LSAMP: variants seen among roughly 807,000 people sequenced by gnomAD.
LSAMP encodes the protein limbic system associated membrane protein.
LSAMP carries 7 observed loss-of-function variants against 38.6 expected under a neutral mutation model. The observed-to-expected ratio is 0.18, with a 90% confidence interval of 0.10 to 0.34. The LOEUF is 0.34. LSAMP is among the 10% of genes least tolerant of loss of function. LSAMP has a pLI of 1.00. For missense variants in LSAMP, 313 were observed against 420.0 expected (o/e 0.75, Z 2.23); for synonymous variants, 154 against 166.8 (o/e 0.92, Z 0.59).
At chr3:116,244,757 T>C (rs568441949) in intron 1 of LSAMP, among the ~76,000 whole-genome samples, 2 of 152,332 alleles carry the variant, frequency 1.3e-5, no homozygotes, top group South Asian at 2.1e-4. Flanking sequence ...TGCTGACACA[T>C]AGTAGGTGTT....
At chr3:116,386,071 AT>A (rs1478617371) in intron 1 of LSAMP, among the ~76,000 whole-genome samples, 2 of 152,120 alleles carry the variant, frequency 1.3e-5, no homozygotes, top group Non-Finnish European at 2.9e-5. Context: ...CATTATATAG[AT>A]GATGAAACTA....
intron 3 of LSAMP, among the ~76,000 whole-genome samples, chr3:115,942,862 A>G (rs933928813): frequency 2.0e-5 from 3 of 152,162 alleles, no homozygotes; most frequent in African/African-American, 7.2e-5. Flanking sequence ...AGAATCATGG[A>G]AGCATCCATG....
intron 1 of LSAMP, among the ~76,000 whole-genome samples, chr3:116,319,062 G>A (rs2107727296): frequency 6.6e-6 from 1 of 152,160 alleles, no homozygotes; most frequent in South Asian, 2.1e-4. Context: ...GGGGATTACT[G>A]GGAGAAGTAG....
intron 3 of LSAMP, among the ~76,000 whole-genome samples, chr3:116,009,742 C>G (rs1285586906): frequency 6.6e-6 from 1 of 152,012 alleles, no homozygotes; most frequent in African/African-American, 2.4e-5. Flanking sequence ...TTCTGTTTGA[C>G]TCAACTTATT....
intron 1 of LSAMP, among the ~76,000 whole-genome samples, chr3:116,351,550 C>T (rs1576153363): frequency 1.4e-5 from 2 of 139,862 alleles, no homozygotes; most frequent in East Asian, 2.0e-4. Flanking sequence ...AATTATATTC[C>T]TTGTCAACTC....
intron 6 of LSAMP, chr3:115,816,469 C>T (rs1446752519): frequency 9.7e-6 from 4 of 411,188 alleles, no homozygotes; most frequent in Non-Finnish European, 1.3e-5. Context: ...AAAAAGTTCA[C>T]AATTTGGAAA....
At chr3:116,241,176 T>TAA (rs201810354) in intron 1 of LSAMP, among the ~76,000 whole-genome samples, 2 of 138,442 alleles carry the variant, frequency 1.4e-5, no homozygotes, top group Non-Finnish European at 1.6e-5. Flanking sequence ...AAACTCCATT[T>TAA]AAAAAAAAAA....
intron 3 of LSAMP, among the ~76,000 whole-genome samples, chr3:115,963,524 C>A (rs1401648997): frequency 6.6e-6 from 1 of 152,150 alleles, no homozygotes; most frequent in Non-Finnish European, 1.5e-5. Context: ...TACCCATGTG[C>A]TTGAATGAGG....
intron 6 of LSAMP, chr3:115,841,571 T>A (rs1934996431): frequency 3.4e-6 from 1 of 295,708 alleles, no homozygotes; most frequent in East Asian, 6.2e-5. Flanking sequence ...GCATATTATT[T>A]CATTTAACTA....
intron 1 of LSAMP, among the ~76,000 whole-genome samples, chr3:116,163,820 GT>G (rs1458617016): frequency 6.6e-6 from 1 of 151,858 alleles, no homozygotes; most frequent in Non-Finnish European, 1.5e-5. Flanking sequence ...TCATTCTCAT[GT>G]TTTCTTAATA....
At chr3:116,016,707 G>C (rs1209863612) in intron 3 of LSAMP, among the ~76,000 whole-genome samples, 1 of 152,188 alleles carries the variant, frequency 6.6e-6, no homozygotes, top group African/African-American at 2.4e-5. Context: ...GTAAATGAAT[G>C]AGCATGGCTG....
At chr3:116,132,443 T>C (rs76050065) in intron 1 of LSAMP, among the ~76,000 whole-genome samples, 1 of 35,660 alleles carries the variant, frequency 2.8e-5, no homozygotes, top group Non-Finnish European at 9.1e-5. Flanking sequence ...GCTCCACCCC[T>C]GAGGGATTAT....
chr3:115,893,748 T>G (rs1936660549), intron 3 of LSAMP, among the ~76,000 whole-genome samples: 1 of 152,062 alleles, frequency 6.6e-6, no homozygotes, highest in African/African-American at 2.4e-5. Context: ...GATGGTAACA[T>G]TCTCTCGATT....
At chr3:115,940,476 AG>A (rs1344284915) in intron 3 of LSAMP, among the ~76,000 whole-genome samples, 44 of 152,302 alleles carry the variant, frequency 2.9e-4, no homozygotes, top group Non-Finnish European at 5.4e-4. Flanking sequence ...TCCTTTAGCT[AG>A]ACACAAAAGT....
At position 115,864,165 on chromosome 3, in the gene LSAMP, G is replaced by A. The variant is rs189020161; in HGVS notation, c.515-11548C>T. 5.9e-5 allele frequency among the ~76,000 whole-genome samples: 9 copies of A among 152,240 alleles called. 1 individual carries two copies. Among genetic ancestry groups the A allele is most frequent in the Admixed American group, 3.9e-4 (6 of 15,284 alleles). On this transcript the variant is annotated intron_variant, in intron 3 of 6. Coordinates refer to ENST00000490035, the MANE Select transcript of LSAMP (RefSeq NM_002338.5). ...AGAAGCACTTTGCCCATGATTGAGA[G>A]GTGTCTGGACTTAAGAGTGCTGACT...
At chr3:116,162,512 T>C (rs1253993049) in intron 1 of LSAMP, among the ~76,000 whole-genome samples, 1 of 152,140 alleles carries the variant, frequency 6.6e-6, no homozygotes, top group Non-Finnish European at 1.5e-5. Flanking sequence ...CCTATTAAAA[T>C]GTTTCATTAA....
intron 1 of LSAMP, among the ~76,000 whole-genome samples, chr3:116,343,423 G>T (rs2048023408): frequency 6.6e-6 from 1 of 152,078 alleles, no homozygotes; most frequent in African/African-American, 2.4e-5. Flanking sequence ...ATAATCACCA[G>T]GGTCCACTTG....
At chr3:116,084,474 A>C (rs13099059) in intron 2 of LSAMP, among the ~76,000 whole-genome samples, 4 of 145,056 alleles carry the variant, frequency 2.8e-5, no homozygotes, top group African/African-American at 5.0e-5. Context: ...AAAAAAAACC[A>C]AAAAAAACCA....
At chr3:115,915,192 C>T (rs1937224585) in intron 3 of LSAMP, among the ~76,000 whole-genome samples, 1 of 152,212 alleles carries the variant, frequency 6.6e-6, no homozygotes, top group Admixed American at 6.5e-5. Flanking sequence ...TGACCAAACA[C>T]TCCAGTGAAG....
Sources: allele counts gnomAD v4.1 joint callset (sites outside exome capture counted in the v4.1 genomes callset), GRCh38; gene constraint gnomAD v4.1.1; transcripts MANE v1.5; gene names NCBI Gene and HGNC (gene_info 2026-07-23, HGNC 2026-07-21).